The following KCNB2 variants were observed in gnomAD, a reference collection of about 807,000 sequenced individuals.
KCNB2 encodes the protein delayed rectifier potassium channel protein.
A neutral mutation model predicts 61.5 loss-of-function variants in KCNB2; 15 were observed. The ratio of observed to expected loss-of-function variants is 0.24; its 90% CI spans 0.16 to 0.38. The LOEUF is 0.38. KCNB2 is among the 10% of genes least tolerant of loss of function. The probability of loss-of-function intolerance (pLI) is 1.00; values close to 1 mark genes in which losing one functional copy is unlikely to be tolerated. For missense variants in KCNB2, 828 were observed against 1,125.2 expected, an observed-to-expected ratio of 0.74 and a Z score of 3.78; for synonymous variants, 457 against 446.0, an observed-to-expected ratio of 1.02 and a Z score of -0.31.
At chr8:72,708,203 G>A (rs990030089) in intron 2 of KCNB2, among the ~76,000 whole-genome samples, 2 of 152,204 alleles carry the variant, frequency 1.3e-5, no homozygotes, top group African/African-American at 4.8e-5. Context: ...CAAGATATCG[G>A]GAAGGGTGGG....
At chr8:72,901,277 G>A (rs1806089017) in intron 2 of KCNB2, among the ~76,000 whole-genome samples, 1 of 152,138 alleles carries the variant, frequency 6.6e-6, no homozygotes, top group East Asian at 1.9e-4. Context: ...TCTGAGGGCA[G>A]TAACAATGTT....
chr8:72,713,774 C>G (rs548976320), intron 2 of KCNB2, among the ~76,000 whole-genome samples: 1 of 152,282 alleles, frequency 6.6e-6, no homozygotes, highest in African/African-American at 2.4e-5. Context: ...CAAAGGAACG[C>G]AGCTCCTCAC....
chr8:72,574,566 A>G (rs1262051219), intron 2 of KCNB2, among the ~76,000 whole-genome samples: 2 of 152,226 alleles, frequency 1.3e-5, no homozygotes, highest in African/African-American at 4.8e-5. Flanking sequence ...TTGCATCTGA[A>G]GAGGGCCAGT....
rs149497579 is a variant in KCNB2, at chr8:72,586,849, C to T, written c.579+18536C>T. Among the ~76,000 whole-genome samples, 600 of 152,302 alleles carry T rather than the reference C, an allele frequency of 3.9e-3. 2 individuals are homozygous for T. Among genetic ancestry groups the T allele is most frequent in the Non-Finnish European group, 5.6e-3 (380 of 68,032 alleles). On this transcript the variant is annotated intron_variant, in intron 2 of 2. Transcript: ENST00000523207. ...ACATTTTTTAAAAGCTGCCTCCAGT[C>T]CTAGGACCTGGGTCACTTCCAGGGT...
intron 2 of KCNB2, among the ~76,000 whole-genome samples, chr8:72,848,539 A>G (rs1199640061): frequency 2.0e-5 from 3 of 152,158 alleles, no homozygotes; most frequent in African/African-American, 7.2e-5. Context: ...TGTAAAGGAA[A>G]CTCTAAATGC....
intron 2 of KCNB2, among the ~76,000 whole-genome samples, chr8:72,833,015 C>T (rs1809724511): frequency 6.6e-6 from 1 of 152,052 alleles, no homozygotes; most frequent in Non-Finnish European, 1.5e-5. Context: ...AGAACTGTTT[C>T]CCAATAGTAA....
intron 2 of KCNB2, among the ~76,000 whole-genome samples, chr8:72,665,447 T>G (rs1357964066): frequency 6.6e-6 from 1 of 152,088 alleles, no homozygotes; most frequent in Non-Finnish European, 1.5e-5. Context: ...GTCCCTCCTA[T>G]CCCCATTTAA....
chr8:72,681,959 C>T (rs561770795), intron 2 of KCNB2, among the ~76,000 whole-genome samples: 1 of 152,256 alleles, frequency 6.6e-6, no homozygotes, highest in East Asian at 1.9e-4. Flanking sequence ...TTAGAAGACT[C>T]CTAAATCTAG....
At chr8:72,561,731 A>ATATATATATGTG (rs1806525887) in intron 1 of KCNB2, among the ~76,000 whole-genome samples, 1 of 21,358 alleles carries the variant, frequency 4.7e-5, no homozygotes, top group Non-Finnish European at 8.4e-5. Context: ...ATATATATCT[A>ATATATATATGTG]TATCTATATA....
chr8:72,740,228 G>C (rs1345426738), intron 2 of KCNB2, among the ~76,000 whole-genome samples: 1 of 152,120 alleles, frequency 6.6e-6, no homozygotes, highest in African/African-American at 2.4e-5. Context: ...TATCAAACAG[G>C]TACTGTTTTT....
intron 2 of KCNB2, among the ~76,000 whole-genome samples, chr8:72,854,714 A>C (rs1810177493): frequency 6.6e-6 from 1 of 152,084 alleles, no homozygotes; most frequent in Non-Finnish European, 1.5e-5. Context: ...AGTAATCGTT[A>C]AGCTGACATT....
intron 2 of KCNB2, among the ~76,000 whole-genome samples, chr8:72,748,240 C>T (rs1024825380): frequency 6.6e-6 from 1 of 152,142 alleles, no homozygotes; most frequent in Non-Finnish European, 1.5e-5. Flanking sequence ...GTTCAAGTCT[C>T]ATTGACCTGA....
chr8:72,874,537 C>T (rs1010496610), intron 2 of KCNB2, among the ~76,000 whole-genome samples: 11 of 152,178 alleles, frequency 7.2e-5, no homozygotes, highest in African/African-American at 2.7e-4. Context: ...CCCTGCCCTT[C>T]GGTAACTAAC....
chr8:72,915,502 G>GT (rs1377398293), intron 2 of KCNB2, among the ~76,000 whole-genome samples: 1 of 152,190 alleles, frequency 6.6e-6, no homozygotes, highest in Non-Finnish European at 1.5e-5. Flanking sequence ...GGAGTTCGAT[G>GT]TAGAGCTTAT....
At chr8:72,567,166 T>G (rs917589004) in intron 1 of KCNB2, among the ~76,000 whole-genome samples, 3 of 151,638 alleles carry the variant, frequency 2.0e-5, no homozygotes, top group Admixed American at 6.6e-5. Flanking sequence ...ACAAAAAATA[T>G]AAGAATTAGC....
chr8:72,885,545 G>A (rs1278391275), intron 2 of KCNB2, among the ~76,000 whole-genome samples: 1 of 151,902 alleles, frequency 6.6e-6, no homozygotes, highest in African/African-American at 2.4e-5. Context: ...TCATTTTCTA[G>A]GAAATTATAC....
chr8:72,778,505 A>T (rs905109842), intron 2 of KCNB2, among the ~76,000 whole-genome samples: 3 of 151,832 alleles, frequency 2.0e-5, no homozygotes, highest in African/African-American at 7.3e-5. Flanking sequence ...TGGGAGGTTC[A>T]AGCAGGCAGA....
At chr8:72,807,015 G>T (rs1223888092) in intron 2 of KCNB2, among the ~76,000 whole-genome samples, 2 of 152,140 alleles carry the variant, frequency 1.3e-5, no homozygotes, top group East Asian at 1.9e-4. Context: ...TGGCTAGAAT[G>T]ATAAAGATTG....
chr8:72,582,793 A>G (rs1806926288), intron 2 of KCNB2, among the ~76,000 whole-genome samples: 1 of 151,734 alleles, frequency 6.6e-6, no homozygotes, highest in African/African-American at 2.4e-5. Context: ...TTAAAAAATT[A>G]TTTTTTTTGT....
Sources: gnomAD v4.1 joint callset for allele counts (sites outside exome capture counted in the v4.1 genomes callset) on GRCh38, gnomAD v4.1.1 for gene constraint, MANE v1.5 for transcripts, NCBI Gene and HGNC (gene_info 2026-07-23, HGNC 2026-07-21) for gene names.